The following LINGO2 variants were observed in gnomAD, a reference collection of about 807,000 sequenced individuals.
LINGO2 encodes leucine rich repeat and Ig domain containing 2.
In LINGO2, 14 loss-of-function variants were observed where a neutral mutation model predicts 30.6. The observed-to-expected ratio is 0.46, with a 90% CI of 0.30 to 0.72. The LOEUF is 0.72. Among genes scored for constraint, LINGO2 ranks in the 30% least tolerant of loss-of-function variants. The probability of loss-of-function intolerance (pLI) is 0.07; values close to 1 mark genes in which losing one functional copy is unlikely to be tolerated. For synonymous variants in LINGO2, 317 were observed against 288.5 expected (o/e 1.10, Z -1.00); for missense variants, 729 against 751.7 (o/e 0.97, Z 0.35).
At chr9:29,063,682 G>T in the LINGO2 span, among the ~76,000 whole-genome samples, 1 of 152,088 alleles carries the variant, frequency 6.6e-6, no homozygotes, top group Non-Finnish European at 1.5e-5. Context: ...TTACAGGCAT[G>T]AGTCAACTGC....
the LINGO2 span, among the ~76,000 whole-genome samples, chr9:29,171,116 GT>G: frequency 6.6e-6 from 1 of 151,994 alleles, no homozygotes; most frequent in Non-Finnish European, 1.5e-5. Flanking sequence ...TGGATTCCTT[GT>G]CCCTCTCCTT....
intron 2 of LINGO2, among the ~76,000 whole-genome samples, chr9:28,434,234 C>A (rs1159706256): frequency 2.0e-5 from 3 of 150,460 alleles, no homozygotes; most frequent in African/African-American, 7.3e-5. Flanking sequence ...GGATAAAAGA[C>A]TACAAATTGT....
At chr9:28,403,147 T>G (rs2134756196) in intron 2 of LINGO2, among the ~76,000 whole-genome samples, 1 of 152,274 alleles carries the variant, frequency 6.6e-6, no homozygotes, top group African/African-American at 2.4e-5. Flanking sequence ...ATATTTCCCC[T>G]CTGCTGCTCC....
intron 3 of LINGO2, among the ~76,000 whole-genome samples, chr9:28,351,033 C>T (rs1819855061): frequency 6.6e-6 from 1 of 151,846 alleles, no homozygotes; most frequent in East Asian, 1.9e-4. Context: ...ACTAAATGCC[C>T]ACAAGAGAAA....
chr9:28,888,510 G>T, the LINGO2 span, among the ~76,000 whole-genome samples: 1 of 151,976 alleles, frequency 6.6e-6, no homozygotes, highest in African/African-American at 2.4e-5. Context: ...AAGTTTAAGG[G>T]AATACATATG....
chr9:28,303,425 C>G (rs1197468238), intron 3 of LINGO2, among the ~76,000 whole-genome samples: 1 of 151,938 alleles, frequency 6.6e-6, no homozygotes, highest in Non-Finnish European at 1.5e-5. Flanking sequence ...GGGAGTGACA[C>G]AAAGGTTTTT....
At chr9:28,208,487 G>T (rs1820485426) in intron 4 of LINGO2, among the ~76,000 whole-genome samples, 1 of 151,934 alleles carries the variant, frequency 6.6e-6, no homozygotes, top group South Asian at 2.1e-4. Flanking sequence ...AAGGTTCTTG[G>T]GGGCAGGAGG....
the LINGO2 span, among the ~76,000 whole-genome samples, chr9:29,175,312 C>A: frequency 4.0e-4 from 61 of 152,170 alleles, no homozygotes; most frequent in African/African-American, 1.4e-3. Flanking sequence ...TCACTGGCAT[C>A]AATGGACTAC....
chr9:28,664,082 C>T (rs1213546360), intron 1 of LINGO2, among the ~76,000 whole-genome samples: 1 of 151,994 alleles, frequency 6.6e-6, no homozygotes, highest in Admixed American at 6.6e-5. Context: ...TTGTGTCCTG[C>T]TTTATTCTTA....
the LINGO2 span, among the ~76,000 whole-genome samples, chr9:28,712,742 TCTAA>T: frequency 6.0e-4 from 91 of 151,984 alleles, no homozygotes; most frequent in Admixed American, 3.5e-3. Flanking sequence ...GAAAGCAAAA[TCTAA>T]CTATTTCAAA....
At chr9:29,152,983 CCT>C in the LINGO2 span, among the ~76,000 whole-genome samples, 1 of 151,730 alleles carries the variant, frequency 6.6e-6, no homozygotes, top group Non-Finnish European at 1.5e-5. Context: ...AGTTATTTTC[CCT>C]TTATAAGGAA....
At chr9:28,395,164 A>G (rs753598257) in intron 2 of LINGO2, among the ~76,000 whole-genome samples, 4 of 152,244 alleles carry the variant, frequency 2.6e-5, no homozygotes, top group African/African-American at 9.6e-5. Context: ...AACTGTCCTT[A>G]TTTGAAATAA....
the LINGO2 span, among the ~76,000 whole-genome samples, chr9:28,744,640 AT>A: frequency 3.2e-4 from 37 of 113,854 alleles, no homozygotes; most frequent in Admixed American, 8.7e-4. Flanking sequence ...GTGTGTGTGT[AT>A]TTTTTTTTTT....
At chr9:28,563,122 T>G (rs1023306844) in intron 1 of LINGO2, among the ~76,000 whole-genome samples, 2 of 152,096 alleles carry the variant, frequency 1.3e-5, no homozygotes, top group African/African-American at 4.8e-5. Flanking sequence ...GCTGGAATTA[T>G]AGGCCTGAAC....
rs538048013 is a variant in LINGO2, at chr9:28,360,373, C to A, written c.-246+12463G>T. Among the ~76,000 whole-genome samples, 37 of 152,302 alleles carry A rather than the reference C, an allele frequency of 2.4e-4. No individual in the cohort carries two copies. The South Asian group carries it at 7.7e-3, about 32-fold the overall frequency. On this transcript the variant is annotated intron_variant, in intron 3 of 5. Coordinates refer to ENST00000379992, the Ensembl canonical transcript of LINGO2. ...ATCTGATACATCAAGGAACCTATAC[C>A]TGCAAAGTATAATTTAACTTATACC...
At chr9:28,439,843 G>A (rs893048312) in intron 2 of LINGO2, among the ~76,000 whole-genome samples, 1 of 152,144 alleles carries the variant, frequency 6.6e-6, no homozygotes, top group Admixed American at 6.5e-5. Context: ...GTTACTCTGT[G>A]AGGAAACTTT....
the LINGO2 span, among the ~76,000 whole-genome samples, chr9:28,998,034 A>G: frequency 6.6e-6 from 1 of 152,164 alleles, no homozygotes; most frequent in African/African-American, 2.4e-5. Flanking sequence ...GCTGTCTGAG[A>G]AACCTTAAGC....
At chr9:28,046,255 A>G (rs1398203742) in intron 4 of LINGO2, among the ~76,000 whole-genome samples, 2 of 152,110 alleles carry the variant, frequency 1.3e-5, no homozygotes, top group Non-Finnish European at 2.9e-5. Flanking sequence ...CAAGAAGAAG[A>G]GTTTAACAGT....
the LINGO2 span, among the ~76,000 whole-genome samples, chr9:28,703,510 A>G: frequency 2.0e-5 from 3 of 151,792 alleles, no homozygotes; most frequent in Non-Finnish European, 4.4e-5. Flanking sequence ...TTTTATGGCC[A>G]AGAATCTGGA....
Sources: allele counts gnomAD v4.1 joint callset (sites outside exome capture counted in the v4.1 genomes callset), GRCh38; gene constraint gnomAD v4.1.1; transcripts MANE v1.5; gene names NCBI Gene and HGNC (gene_info 2026-07-23, HGNC 2026-07-21).